ITPK1: variants seen among roughly 807,000 people sequenced by gnomAD.
ITPK1 encodes inositol 1,3,4-trisphosphate 5/6-kinase.
In ITPK1, 21 loss-of-function variants were observed where a neutral mutation model predicts 45.3. The observed-to-expected ratio is 0.46, with a 90% CI of 0.33 to 0.67. The LOEUF (loss-of-function observed/expected upper bound fraction) is 0.67. Among genes scored for constraint, ITPK1 ranks in the 30% least tolerant of loss-of-function variants. ITPK1 has a pLI of 0.02. For synonymous variants in ITPK1, 258 were observed against 253.6 expected, an observed-to-expected ratio of 1.02 and a Z score of -0.16; for missense variants, 474 against 573.5, an observed-to-expected ratio of 0.83 and a Z score of 1.77.
At chr14:93,084,403 G>A (rs1224567331) in intron 2 of ITPK1, among the ~76,000 whole-genome samples, 1 of 152,190 alleles carries the variant, frequency 6.6e-6, no homozygotes, top group African/African-American at 2.4e-5. Flanking sequence ...GTAATGCAGA[G>A]GACAGCCCCC....
chr14:92,948,959 C>T (rs1408929197), intron 9 of ITPK1, among the ~76,000 whole-genome samples: 1 of 113,586 alleles, frequency 8.8e-6, no homozygotes, highest in South Asian at 2.6e-4. Context: ...CATCTCCCAC[C>T]CCGGCTTTGC....
chr14:93,095,986 G>A (rs565997170), intron 2 of ITPK1, among the ~76,000 whole-genome samples: 25 of 152,196 alleles, frequency 1.6e-4, no homozygotes, highest in African/African-American at 5.5e-4. Flanking sequence ...AATTTGATGA[G>A]AGCCTTTGCC....
intron 2 of ITPK1, among the ~76,000 whole-genome samples, chr14:93,100,967 A>C (rs958719137): frequency 6.6e-6 from 1 of 152,216 alleles, no homozygotes; most frequent in African/African-American, 2.4e-5. Context: ...TGGCTGCGTC[A>C]GGGAAGGGGC....
At chr14:93,075,326 CAAAAAAAAAAAAAAAA>C (rs58089863) in intron 3 of ITPK1, among the ~76,000 whole-genome samples, 91 of 53,978 alleles carry the variant, frequency 1.7e-3, no homozygotes, top group South Asian at 2.6e-3. Flanking sequence ...GACTCCTTCT[CAAAAAAAAAAAAAAAA>C]AAAAAAAAAA....
intron 10 of ITPK1, among the ~76,000 whole-genome samples, chr14:92,943,555 G>T (rs1032093966): frequency 6.6e-6 from 1 of 152,228 alleles, no homozygotes; most frequent in African/African-American, 2.4e-5. Context: ...AAATGCAGTG[G>T]AGGAGCTCCA....
At chr14:93,105,401 T>C (rs758602027) in intron 2 of ITPK1, among the ~76,000 whole-genome samples, 1 of 152,022 alleles carries the variant, frequency 6.6e-6, no homozygotes, top group Non-Finnish European at 1.5e-5. Flanking sequence ...TAGTTTCCCA[T>C]AAAAATCATC....
At chr14:93,054,833 T>C (rs1437340584) in intron 3 of ITPK1, among the ~76,000 whole-genome samples, 1 of 152,228 alleles carries the variant, frequency 6.6e-6, no homozygotes, top group Non-Finnish European at 1.5e-5. Flanking sequence ...CTTTCTTTTA[T>C]AAGCCTTTCA....
intron 7 of ITPK1, 27 bp downstream of exon 7, chr14:92,962,328 A>G: frequency 6.4e-7 from 1 of 1,572,036 alleles, no homozygotes; most frequent in African/African-American, 1.3e-5. Flanking sequence ...GGGGTCAGGG[A>G]CAACAGTCAG....
At chr14:93,062,735 T>C (rs1415837527) in intron 3 of ITPK1, among the ~76,000 whole-genome samples, 1 of 152,106 alleles carries the variant, frequency 6.6e-6, no homozygotes, top group Non-Finnish European at 1.5e-5. Flanking sequence ...AGCAGGTCAA[T>C]GGTGGCCCAG....
chr14:93,025,258 G>T (rs1390479641), intron 3 of ITPK1, among the ~76,000 whole-genome samples: 1 of 152,202 alleles, frequency 6.6e-6, no homozygotes, highest in Non-Finnish European at 1.5e-5. Flanking sequence ...ATCAAGAGCA[G>T]GAATGGAGGC....
At chr14:93,096,475 C>T (rs1162023713) in intron 2 of ITPK1, among the ~76,000 whole-genome samples, 1 of 152,232 alleles carries the variant, frequency 6.6e-6, no homozygotes, top group African/African-American at 2.4e-5. Context: ...GCCACATGCA[C>T]CACGAGGCCT....
intron 2 of ITPK1, among the ~76,000 whole-genome samples, chr14:93,111,001 TCCTCATC>T (rs200747490): frequency 4.1e-4 from 59 of 144,776 alleles, no homozygotes; most frequent in East Asian, 2.3e-3. Flanking sequence ...ACGAGGGATG[TCCTCATC>T]CCTCATCCCT....
intron 8 of ITPK1, among the ~76,000 whole-genome samples, chr14:92,956,020 G>C (rs1319111719): frequency 6.6e-6 from 1 of 152,204 alleles, no homozygotes; most frequent in African/African-American, 2.4e-5. Flanking sequence ...ATCAGCTTTG[G>C]GGATGGAGAG....
chr14:92,979,289 G>T (rs1024587407), intron 5 of ITPK1, among the ~76,000 whole-genome samples: 1 of 152,194 alleles, frequency 6.6e-6, no homozygotes, highest in East Asian at 1.9e-4. Flanking sequence ...ACTTGTTTTT[G>T]ATTTTACAGG....
intron 4 of ITPK1, among the ~76,000 whole-genome samples, chr14:93,001,928 G>A (rs1887375787): frequency 6.6e-6 from 1 of 152,316 alleles, no homozygotes; most frequent in East Asian, 1.9e-4. Context: ...GTCCTGCCAA[G>A]ATTCCAGGGT....
intron 4 of ITPK1, among the ~76,000 whole-genome samples, chr14:93,004,998 C>A (rs1426383057): frequency 6.6e-6 from 1 of 152,042 alleles, no homozygotes; most frequent in Non-Finnish European, 1.5e-5. Context: ...AAAGTGAGGA[C>A]AAGGTAGAGA....
rs189265899 is a variant in ITPK1, at chr14:93,025,173, C to T, written c.121-8372G>A. 4.6e-5 allele frequency among the ~76,000 whole-genome samples: 7 copies of T among 152,124 alleles called. No homozygotes were observed. In the East Asian group the frequency reaches 1.2e-3, roughly 25 times the overall value. On this transcript the variant is annotated intron_variant, in intron 3 of 10. Transcript: ENST00000267615. ...AGGGTCTTTCCATCCTGCCGGCCACCGACACAGCACACCACTGTCAGCTTT... is the reference window on the plus strand; with the variant it reads ...AGGGTCTTTCCATCCTGCCGGCCACTGACACAGCACACCACTGTCAGCTTT...
At chr14:92,942,974 G>C (rs1264921368) in intron 10 of ITPK1, among the ~76,000 whole-genome samples, 1 of 152,268 alleles carries the variant, frequency 6.6e-6, no homozygotes, top group Non-Finnish European at 1.5e-5. Flanking sequence ...ACCTCTTACA[G>C]TGCCCAGGGG....
chr14:93,053,149 A>T (rs1002368084), intron 3 of ITPK1, among the ~76,000 whole-genome samples: 17 of 151,968 alleles, frequency 1.1e-4, no homozygotes, highest in Non-Finnish European at 2.4e-4. Flanking sequence ...ATAAAATAAA[A>T]AATAATAATA....
Sources: allele counts gnomAD v4.1 joint callset (sites outside exome capture counted in the v4.1 genomes callset), GRCh38; gene constraint gnomAD v4.1.1; transcripts MANE v1.5; gene names NCBI Gene and HGNC (gene_info 2026-07-23, HGNC 2026-07-21).